SPATA6: variants seen among roughly 807,000 people sequenced by gnomAD.
The protein encoded by SPATA6 is spermatogenesis associated 6.
In SPATA6, 56 loss-of-function variants were observed where a neutral mutation model predicts 65.3. That is an observed-to-expected ratio of 0.86 (90% confidence interval 0.69 to 1.07). The LOEUF (loss-of-function observed/expected upper bound fraction) is 1.07. Among genes scored for constraint, SPATA6 ranks in the 50% least tolerant of loss-of-function variants. The pLI, the probability that SPATA6 is intolerant of heterozygous loss-of-function variation, is 0.00. For missense variants in SPATA6, 590 were observed against 594.8 expected (o/e 0.99, Z 0.08); for synonymous variants, 199 against 213.2 (o/e 0.93, Z 0.58).
chr1:48,369,088 T>A (rs1031210377), intron 9 of SPATA6, among the ~76,000 whole-genome samples: 2 of 152,100 alleles, frequency 1.3e-5, no homozygotes, highest in Non-Finnish European at 2.9e-5. Flanking sequence ...GTATCAGCAG[T>A]GGTGGCTGCA....
At chr1:48,428,775 ATGTGTGTG>A (rs59651745) in intron 3 of SPATA6, among the ~76,000 whole-genome samples, 1,800 of 133,564 alleles carry the variant, frequency 0.013, 38 homozygotes, top group African/African-American at 0.047. Flanking sequence ...AGGTGTATAT[ATGTGTGTG>A]TGTGTGTGTG....
the SPATA6 span, among the ~76,000 whole-genome samples, chr1:48,270,193 C>T: frequency 1.3e-5 from 2 of 152,004 alleles, no homozygotes; most frequent in Admixed American, 6.6e-5. Flanking sequence ...TACATAACTC[C>T]GGTGCCCATG....
intron 11 of SPATA6, among the ~76,000 whole-genome samples, chr1:48,320,735 G>A (rs74533706): frequency 0.066 from 10,077 of 152,166 alleles, 417 homozygotes; most frequent in Non-Finnish European, 0.093. Context: ...AACACTAACT[G>A]TGGCAAACTA....
chr1:48,278,012 T>A, the SPATA6 span, among the ~76,000 whole-genome samples: 4 of 152,150 alleles, frequency 2.6e-5, no homozygotes, highest in Non-Finnish European at 5.9e-5. Flanking sequence ...GACAGCAGCA[T>A]TCACGGTTCA....
the SPATA6 span, among the ~76,000 whole-genome samples, chr1:48,276,922 G>A: frequency 6.6e-6 from 1 of 151,660 alleles, no homozygotes; most frequent in Non-Finnish European, 1.5e-5. Context: ...TATTGACAGT[G>A]GGGTGTTCAA....
rs182837531 is a variant in SPATA6, at chr1:48,435,439, T to C, written c.238+16113A>G. Among the ~76,000 whole-genome samples, 273 of 150,604 alleles carry C rather than the reference T, an allele frequency of 1.8e-3. 2 individuals carry two copies. The highest frequency in any genetic ancestry group is 2.4e-3 in the Non-Finnish European group (163 of 67,776). ...AATCAGCACTCTAAAATCGCACCAA[T>C]CAGCACTCTGTGTCTAGCTAAAGGA... On this transcript the variant is annotated intron_variant, in intron 3 of 12. Coordinates refer to ENST00000371847, the MANE Select transcript of SPATA6 (RefSeq NM_019073.4).
downstream of SPATA6, among the ~76,000 whole-genome samples, chr1:48,293,287 G>A (rs555355564): frequency 1.6e-4 from 24 of 152,344 alleles, no homozygotes; most frequent in African/African-American, 5.5e-4. Context: ...GTAATGAGCT[G>A]TGCCAGCCTG....
At chr1:48,334,366 T>C (rs1235512206) in intron 11 of SPATA6, among the ~76,000 whole-genome samples, 2 of 151,842 alleles carry the variant, frequency 1.3e-5, no homozygotes, top group Admixed American at 6.6e-5. Flanking sequence ...TTGATGAACA[T>C]AGATGCAAAA....
chr1:48,446,287 G>A (rs1337967277), intron 3 of SPATA6, among the ~76,000 whole-genome samples: 1 of 152,150 alleles, frequency 6.6e-6, no homozygotes, highest in Non-Finnish European at 1.5e-5. Context: ...CTGAAAATCT[G>A]CCCTCTGGAA....
chr1:48,371,360 T>G (rs72893262), intron 9 of SPATA6, among the ~76,000 whole-genome samples: 3,914 of 152,280 alleles, frequency 0.026, 106 homozygotes, highest in African/African-American at 0.071. Flanking sequence ...ACTTGCTAAA[T>G]GATAGCTAAC....
chr1:48,447,474 G>A (rs1442906068), intron 3 of SPATA6, among the ~76,000 whole-genome samples: 1 of 152,112 alleles, frequency 6.6e-6, no homozygotes, highest in East Asian at 1.9e-4. Flanking sequence ...AGCCAACATC[G>A]CACCACTGTA....
intron 3 of SPATA6, chr1:48,447,864 A>G (rs1656204015): frequency 6.6e-6 from 1 of 152,212 alleles, no homozygotes; most frequent in Non-Finnish European, 1.5e-5. Context: ...AACAAAAAAT[A>G]ACATCAAAAC....
intron 9 of SPATA6, among the ~76,000 whole-genome samples, chr1:48,381,513 A>C (rs570207388): frequency 1.3e-5 from 2 of 152,112 alleles, no homozygotes; most frequent in African/African-American, 4.8e-5. Flanking sequence ...TATCATAGTT[A>C]AAGTATGGCA....
intron 12 of SPATA6, among the ~76,000 whole-genome samples, chr1:48,302,239 G>A (rs1031342589): frequency 2.0e-5 from 3 of 152,058 alleles, no homozygotes; most frequent in African/African-American, 7.2e-5. Context: ...GATTTAGAGG[G>A]TGCAAGGGCA....
At chr1:48,332,785 G>A (rs897331735) in intron 11 of SPATA6, among the ~76,000 whole-genome samples, 27 of 152,134 alleles carry the variant, frequency 1.8e-4, no homozygotes, top group African/African-American at 4.3e-4. Context: ...TCTTTTCATC[G>A]CCACATGGTA....
the SPATA6 span, among the ~76,000 whole-genome samples, chr1:48,268,304 A>ATGTGTGTGTG: frequency 6.0e-5 from 9 of 149,218 alleles, no homozygotes; most frequent in African/African-American, 2.2e-4. Flanking sequence ...AAATAAAAAT[A>ATGTGTGTGTG]TGTGTGTGTG....
rs746921544 is a variant in SPATA6, at chr1:48,355,777, C to G, written c.1095-8G>C. 4 of 1,602,328 alleles carry G rather than the reference C, an allele frequency of 2.5e-6. No individual in the cohort carries two copies. Among genetic ancestry groups the G allele is most frequent in the South Asian group, 1.1e-5 (1 of 89,210 alleles). On this transcript the variant is annotated splice_region_variant and splice_polypyrimidine_tract_variant and intron_variant, in intron 10 of 12. Transcript: ENST00000371847. ...CACCAATCAGAATGAAATCTGTAGGCAAAAAATAAGTTTTATTTTTGTTAC... is the reference window on the plus strand; with the variant it reads ...CACCAATCAGAATGAAATCTGTAGGGAAAAAATAAGTTTTATTTTTGTTAC...
At chr1:48,292,648 G>C (rs1644775600), downstream of SPATA6, among the ~76,000 whole-genome samples, 1 of 152,264 alleles carries the variant, frequency 6.6e-6, no homozygotes, top group Non-Finnish European at 1.5e-5. Flanking sequence ...TGAGTATGTG[G>C]CTGCAACAGC....
At chr1:48,324,392 A>G (rs1645694152) in intron 11 of SPATA6, among the ~76,000 whole-genome samples, 3 of 152,210 alleles carry the variant, frequency 2.0e-5, no homozygotes, top group African/African-American at 4.8e-5. Context: ...CACATCAGAG[A>G]AAGAAAACTA....
Sources: gnomAD v4.1 joint callset for allele counts (sites outside exome capture counted in the v4.1 genomes callset) on GRCh38, gnomAD v4.1.1 for gene constraint, MANE v1.5 for transcripts, NCBI Gene and HGNC (gene_info 2026-07-23, HGNC 2026-07-21) for gene names.